The following PCGF5 variants were observed in gnomAD, a reference collection of about 807,000 sequenced individuals.
The protein encoded by PCGF5 is polycomb group RING finger protein 5.
In PCGF5, 9 loss-of-function variants were observed where a neutral mutation model predicts 44.3. The observed-to-expected ratio is 0.20, with a 90% CI of 0.12 to 0.35. The LOEUF (loss-of-function observed/expected upper bound fraction) is 0.35, where lower values mean the gene tolerates loss of function less well. Ranked by LOEUF, PCGF5 falls within the 10% of genes least tolerant of loss-of-function variation. The pLI, the probability that PCGF5 is intolerant of heterozygous loss-of-function variation, is 1.00. For missense variants in PCGF5, 146 were observed against 305.3 expected (o/e 0.48, Z 3.89); for synonymous variants, 95 against 102.5 (o/e 0.93, Z 0.44).
chr10:91,232,595 T>A (rs1845040415), intron 2 of PCGF5, among the ~76,000 whole-genome samples: 1 of 152,110 alleles, frequency 6.6e-6, no homozygotes, highest in Admixed American at 6.5e-5. Flanking sequence ...ACTTGATCAG[T>A]GTTCTTAGGT....
intron 1 of PCGF5, among the ~76,000 whole-genome samples, chr10:91,180,118 AT>A (rs1339857103): frequency 6.6e-6 from 1 of 151,850 alleles, no homozygotes; most frequent in Non-Finnish European, 1.5e-5. Flanking sequence ...GCTTTTTTTC[AT>A]TACATTATTG....
intron 8 of PCGF5, among the ~76,000 whole-genome samples, chr10:91,265,405 G>T (rs1016966652): frequency 6.6e-6 from 1 of 152,026 alleles, no homozygotes; most frequent in Non-Finnish European, 1.5e-5. Flanking sequence ...TATAAGGTTG[G>T]AGTAGATAAC....
At chr10:91,260,493 A>C (rs1008918117) in intron 6 of PCGF5, among the ~76,000 whole-genome samples, 2 of 152,168 alleles carry the variant, frequency 1.3e-5, no homozygotes, top group African/African-American at 4.8e-5. Flanking sequence ...TCATGCTGCT[A>C]TAAAGACACA....
At chr10:91,221,051 C>G (rs918165967) in intron 1 of PCGF5, among the ~76,000 whole-genome samples, 1 of 151,636 alleles carries the variant, frequency 6.6e-6, no homozygotes, top group Non-Finnish European at 1.5e-5. Flanking sequence ...ACGCCGGCCC[C>G]GGGAAAGGCT....
chr10:91,224,547 A>G (rs936879366), intron 2 of PCGF5, among the ~76,000 whole-genome samples: 1 of 152,172 alleles, frequency 6.6e-6, no homozygotes, highest in Non-Finnish European at 1.5e-5. Context: ...ACAAAGCACA[A>G]TTGTAGATAG....
At chr10:91,240,421 T>C in intron 2 of PCGF5, 63 bp from the exon 3 acceptor site, 1 of 1,047,216 alleles carries the variant, frequency 9.5e-7, no homozygotes, top group Non-Finnish European at 1.4e-6. Flanking sequence ...TAATTACACT[T>C]AGTTTAACAT....
chr10:91,227,418 G>A (rs1450764586), intron 2 of PCGF5: 1 of 1,289,392 alleles, frequency 7.8e-7, no homozygotes, highest in East Asian at 5.5e-5. Context: ...CAAATGGGAT[G>A]CCAGCACTCA....
At chr10:91,164,060 C>A (rs1399339142) in intron 1 of PCGF5, among the ~76,000 whole-genome samples, 1 of 152,254 alleles carries the variant, frequency 6.6e-6, no homozygotes, top group African/African-American at 2.4e-5. Context: ...AGCTCCAGGG[C>A]GGTGAATGAA....
At chr10:91,182,042 T>G (rs1843827638) in intron 1 of PCGF5, among the ~76,000 whole-genome samples, 1 of 152,128 alleles carries the variant, frequency 6.6e-6, no homozygotes, top group African/African-American at 2.4e-5. Flanking sequence ...GTCCAGAAAT[T>G]TATCAATTTT....
chr10:91,277,959 T>C (rs369990161), intron 9 of PCGF5, among the ~76,000 whole-genome samples: 31 of 152,124 alleles, frequency 2.0e-4, no homozygotes, highest in African/African-American at 4.8e-4. Context: ...TGTGTGACTT[T>C]CAGTCCTTCC....
chr10:91,260,997 A>G (rs974353546), intron 6 of PCGF5, among the ~76,000 whole-genome samples: 2 of 151,622 alleles, frequency 1.3e-5, no homozygotes, highest in African/African-American at 2.4e-5. Flanking sequence ...AATAAAAAAT[A>G]TATATATTTT....
chr10:91,162,239 G>A (rs1451331242), upstream of PCGF5, among the ~76,000 whole-genome samples: 1 of 149,588 alleles, frequency 6.7e-6, no homozygotes, highest in South Asian at 2.1e-4. Flanking sequence ...ATTAAGGCTC[G>A]AGGCCATGGT....
chr10:91,162,829 G>A (rs1035508336), upstream of PCGF5, among the ~76,000 whole-genome samples: 1 of 149,718 alleles, frequency 6.7e-6, no homozygotes, highest in African/African-American at 2.4e-5. Flanking sequence ...ACAAACCCAC[G>A]GTAACTCCTC....
intron 1 of PCGF5, among the ~76,000 whole-genome samples, chr10:91,190,044 G>T (rs1589359996): frequency 6.6e-6 from 1 of 152,208 alleles, no homozygotes; most frequent in South Asian, 2.1e-4. Flanking sequence ...AAACTGTATG[G>T]TTTATATACA....
intron 2 of PCGF5, among the ~76,000 whole-genome samples, chr10:91,233,675 T>C (rs145992869): frequency 6.6e-6 from 1 of 152,328 alleles, no homozygotes; most frequent in African/African-American, 2.4e-5. Flanking sequence ...TAAGAATAGG[T>C]ATCAAAAGCA....
At position 91,256,015 on chromosome 10, in the gene PCGF5, A is replaced by AT. The variant is rs1297858602; in HGVS notation, c.474+4576dup. Among the ~76,000 whole-genome samples, 4 of 152,212 alleles carry AT rather than the reference A, an allele frequency of 2.6e-5. No individual in the cohort carries two copies. The East Asian group carries it at 7.7e-4, about 29-fold the overall frequency. ...ATTGTTATTTTTATTGTTTTTAAAA[A>AT]TATTTTTGATCTGTGATTGCTTGAA... On this transcript the variant is annotated intron_variant, in intron 6 of 9. Transcript: ENST00000336126.
chr10:91,191,745 A>G (rs953174574), intron 1 of PCGF5, among the ~76,000 whole-genome samples: 1 of 152,188 alleles, frequency 6.6e-6, no homozygotes, highest in Admixed American at 6.5e-5. Context: ...CCCTGTCCAG[A>G]ACACTCCACC....
chr10:91,280,335 G>A lies in PCGF5; in HGVS notation c.*2019G>A, dbSNP rs1415273593. On this transcript the variant is annotated 3_prime_UTR_variant, in exon 10 of 10. Transcript: ENST00000336126. The stretch of plus-strand genomic sequence containing the variant: ...TAAAAATCACAAGTGAGACTTTGAT[G>A]TTTTGGCCCCCCAGCCAAAACTTAA... The A allele has an allele frequency of 1.3e-5, 2 of 151,996 alleles. No homozygotes were observed. The highest frequency in any genetic ancestry group is 3.9e-4 in the East Asian group (2 of 5,194). The allele number at this position is 151,996 out of a possible 1,614,324, so 9.4% of individuals were successfully genotyped here. A position where few individuals can be genotyped will look rare whatever the true frequency, so the allele number is the denominator to read the frequency against.
Position 91,222,750 on chromosome 10 carries a change from G to T in PCGF5, c.-122G>T. 1 of 562,060 alleles carries T rather than the reference G, an allele frequency of 1.8e-6. No individual in the cohort carries two copies. Among genetic ancestry groups the T allele is most frequent in the Non-Finnish European group, 3.2e-6 (1 of 311,638 alleles). 34.8% of individuals were successfully genotyped at this position (562,060 alleles called of 1,614,324 possible). On this transcript the variant is annotated 5_prime_UTR_variant, in exon 2 of 10. An upstream start codon of the reference 5' UTR is lost. Transcript: ENST00000336126. ...CAACGATCTCATGATAAATCTGGAT[G>T]CTAGTTCTCATGCCTCAGGACATCC... is the stretch of plus-strand genomic sequence containing the variant.
Sources: gnomAD v4.1 joint callset for allele counts (sites outside exome capture counted in the v4.1 genomes callset) on GRCh38, gnomAD v4.1.1 for gene constraint, MANE v1.5 for transcripts, NCBI Gene and HGNC (gene_info 2026-07-23, HGNC 2026-07-21) for gene names.